ZMYND11: variants seen among roughly 807,000 people sequenced by gnomAD.
ZMYND11 encodes zinc finger MYND domain-containing protein 11.
ZMYND11 carries 9 observed loss-of-function variants against 84.9 expected under a neutral mutation model. That is an observed-to-expected ratio of 0.11 (90% CI 0.06 to 0.18). The LOEUF is 0.18. Ranked by LOEUF, ZMYND11 falls within the 10% of genes least tolerant of loss-of-function variation. ZMYND11 has a pLI of 1.00. For missense variants in ZMYND11, 409 were observed against 761.0 expected (o/e 0.54, Z 5.44); for synonymous variants, 250 against 244.1 (o/e 1.02, Z -0.23).
At chr10:135,272 T>C (rs1835648431), upstream of ZMYND11, 1 of 150,862 alleles carries the variant, frequency 6.6e-6, no homozygotes, top group African/African-American at 2.4e-5. This position sits in a 1 kb window ranked among gnomAD's most constrained non-coding sequence, Gnocchi z 5.6. Flanking sequence ...CTAGCCTCCC[T>C]CGCTCAGGCG....
intron 4 of ZMYND11, among the ~76,000 whole-genome samples, chr10:235,846 GTTA>G (rs532193066): frequency 3.3e-5 from 5 of 152,116 alleles, no homozygotes; most frequent in South Asian, 4.1e-4. Context: ...GTTTCCACTT[GTTA>G]TTTAGATATT....
chr10:141,550 T>C (rs374683327), intron 1 of ZMYND11, among the ~76,000 whole-genome samples: 6 of 152,244 alleles, frequency 3.9e-5, no homozygotes, highest in African/African-American at 1.4e-4. Context: ...TTAGCACTGA[T>C]GATTTAAAAT....
intron 2 of ZMYND11, among the ~76,000 whole-genome samples, chr10:199,475 C>G (rs1942621275): frequency 6.6e-6 from 1 of 152,088 alleles, no homozygotes; most frequent in Non-Finnish European, 1.5e-5. Context: ...GTCGCCTAGG[C>G]AGAAATGCAG....
rs1321554750 is a variant in ZMYND11, at chr10:198,062, TA to T, written c.117-11822del. The T allele has an allele frequency of 3.9e-5, 20 of 517,332 alleles. No individual in the cohort carries two copies. The East Asian group carries it at 6.5e-4, about 17-fold the overall frequency. The allele number at this position is 517,332 out of a possible 1,614,324, so 32.0% of individuals were successfully genotyped here. A position where few individuals can be genotyped will look rare whatever the true frequency, so the allele number is the denominator to read the frequency against. ...TGGGGATAGGTCTAATTTAATAATG[TA>T]AAAAGATTCAAGCAAGCTGTAAAAT... On this transcript the variant is annotated intron_variant, in intron 2 of 14. Transcript: ENST00000381604.
In ZMYND11 at chr10:254,441, A is replaced by T. The variant is rs1311026635; in HGVS notation, c.*1971A>T. 6.6e-6 allele frequency: 1 copy of T among 152,646 alleles called. No individual in the cohort carries two copies. The highest frequency in any genetic ancestry group is 2.4e-5 in the African/African-American group (1 of 41,446). The allele number at this position is 152,646 out of a possible 1,614,324, so 9.5% of individuals were successfully genotyped here. On this transcript the variant is annotated 3_prime_UTR_variant, in exon 15 of 15. Transcript: ENST00000381604. ...AAAATTACAATTGATTGTTTTAGGA[A>T]TCATTATTAAAAATTTTCTGCAAAT...
chr10:186,714 G>A (rs147266696), intron 2 of ZMYND11, among the ~76,000 whole-genome samples: 142 of 147,312 alleles, frequency 9.6e-4, no homozygotes, highest in African/African-American at 3.4e-3. Context: ...GCCATTTGAA[G>A]GATTTAAGTC....
intron 4 of ZMYND11, among the ~76,000 whole-genome samples, chr10:226,148 T>C (rs1948080285): frequency 1.3e-5 from 2 of 152,166 alleles, no homozygotes. Flanking sequence ...TGCCTGGCAT[T>C]TGTCTCCCCA....
chr10:179,926 A>G, intron 1 of ZMYND11, 68 bp from the exon 2 acceptor site: 1 of 857,756 alleles, frequency 1.2e-6, no homozygotes, highest in Non-Finnish European at 1.8e-6. Context: ...TGATAATGTT[A>G]CTCACTTATA....
intron 4 of ZMYND11, among the ~76,000 whole-genome samples, 157 bp downstream of exon 4, chr10:221,513 A>G (rs187582444): frequency 1.3e-5 from 2 of 152,334 alleles, no homozygotes; most frequent in East Asian, 3.9e-4. Flanking sequence ...AATGGACATC[A>G]CAGAACACAT....
intron 4 of ZMYND11, among the ~76,000 whole-genome samples, chr10:233,929 T>A (rs187869936): frequency 2.0e-4 from 31 of 152,330 alleles, no homozygotes; most frequent in Admixed American, 1.8e-3. Flanking sequence ...GAACCAAGTT[T>A]ATGAGAGCGT....
At chr10:246,678 TG>T in intron 10 of ZMYND11, 87 bp from the exon 11 acceptor site, 1 of 1,292,794 alleles carries the variant, frequency 7.7e-7, no homozygotes, top group Non-Finnish European at 1.1e-6. Flanking sequence ...TCGCACTTTA[TG>T]GCAGGCAGGG....
rs776644604 is a variant in ZMYND11 at position 252,435 on chromosome 10, G to T, written c.1774G>T (p.Ala592Ser). Residue 592 changes from alanine (A) to serine (S), a missense_variant, in exon 15 of 15, where the codon GCG (alanine) becomes TCG (serine). By Grantham distance (99) the Ala-to-Ser change is moderately conservative. Transcript: ENST00000381604. This position sits in a 1 kb window ranked among gnomAD's most constrained non-coding sequence, Gnocchi z 4.6. Reference sequence around the variant, plus strand: ...CAAGTGCCAGCAGGAGCACTGGCACGCGGAGCACAAGCGCACCTGCCGCCG... The same window carrying T: ...CAAGTGCCAGCAGGAGCACTGGCACTCGGAGCACAAGCGCACCTGCCGCCG... ...SIKCQQEHWH[A>S]EHKRTCRRKR is the part of the protein sequence containing the mutation. 1 of 1,613,302 alleles carries T rather than the reference G, an allele frequency of 6.2e-7. No homozygotes were observed. Among genetic ancestry groups the T allele is most frequent in the South Asian group, 1.1e-5 (1 of 91,068 alleles).
intron 1 of ZMYND11, among the ~76,000 whole-genome samples, chr10:160,091 C>T (rs1554761177): frequency 6.6e-6 from 1 of 152,152 alleles, no homozygotes; most frequent in Non-Finnish European, 1.5e-5. Context: ...TAATATTTCT[C>T]CATTAAGTAA....
chr10:239,581 T>C, intron 7 of ZMYND11, 56 bp downstream of exon 7: 1 of 1,149,448 alleles, frequency 8.7e-7, no homozygotes, highest in Non-Finnish European at 1.3e-6. Flanking sequence ...TTACATTCCA[T>C]GTTGAACACT....
intron 5 of ZMYND11, among the ~76,000 whole-genome samples, chr10:237,257 C>T (rs964908302): frequency 7.9e-5 from 12 of 152,176 alleles, no homozygotes; most frequent in African/African-American, 2.4e-4. Context: ...TCTATCACAA[C>T]TTTAAGGAAT....
chr10:246,713 C>A, intron 10 of ZMYND11, 53 bp from the exon 11 acceptor site: 1 of 1,569,070 alleles, frequency 6.4e-7, no homozygotes, highest in Non-Finnish European at 8.7e-7. Flanking sequence ...TCTTTTACCA[C>A]CCTTCCTGCC....
chr10:221,060 C>G (rs1347729268), intron 3 of ZMYND11, 135 bp from the exon 4 acceptor site: 1 of 762,990 alleles, frequency 1.3e-6, no homozygotes, highest in Non-Finnish European at 2.1e-6. Flanking sequence ...TATTTTCCCT[C>G]TTGTTTTAAC....
chr10:253,219 T>TGAGTGCTTGTAACAA lies in ZMYND11; in HGVS notation c.*750_*764dup, dbSNP rs1953832552. 6.6e-6 allele frequency: 1 copy of TGAGTGCTTGTAACAA among 152,648 alleles called. No individual in the cohort carries two copies. Among genetic ancestry groups the TGAGTGCTTGTAACAA allele is most frequent in the African/African-American group, 2.4e-5 (1 of 41,468 alleles). 9.5% of individuals were successfully genotyped at this position (152,648 alleles called of 1,614,324 possible). A position where few individuals can be genotyped will look rare whatever the true frequency, so the allele number is the denominator to read the frequency against. On this transcript the variant is annotated 3_prime_UTR_variant, in exon 15 of 15. Transcript: ENST00000381604. ...TGCACATTTCATCTTTGTCCTAACA[T>TGAGTGCTTGTAACAA]GAGTGCTTGTAACAAAATAAACAAC...
At chr10:224,437 A>G (rs1380200667) in intron 4 of ZMYND11, among the ~76,000 whole-genome samples, 1 of 152,236 alleles carries the variant, frequency 6.6e-6, no homozygotes, top group Non-Finnish European at 1.5e-5. Flanking sequence ...AAAGTAGCTT[A>G]TTAATATCAG....
Sources: gnomAD v4.1 joint callset for allele counts (sites outside exome capture counted in the v4.1 genomes callset) on GRCh38, gnomAD v4.1.1 for gene constraint, Gnocchi (gnomAD v3.1) non-coding constraint, MANE v1.5 for transcripts, NCBI Gene and HGNC (gene_info 2026-07-23, HGNC 2026-07-21) for gene names.